The following STK3 variants were observed in gnomAD, a reference collection of about 807,000 sequenced individuals.
STK3 encodes the protein serine/threonine kinase 3.
In STK3, 41 loss-of-function variants were observed where a neutral mutation model predicts 58.0. The ratio of observed to expected loss-of-function variants is 0.71; its 90% CI spans 0.55 to 0.92. The LOEUF (loss-of-function observed/expected upper bound fraction) is 0.92. Among genes scored for constraint, STK3 ranks in the 40% least tolerant of loss-of-function variants. The pLI is 0.00. For missense variants in STK3, 479 were observed against 602.7 expected, an observed-to-expected ratio of 0.79 and a Z score of 2.15; for synonymous variants, 170 against 191.0, an observed-to-expected ratio of 0.89 and a Z score of 0.91.
At chr8:98,713,719 T>A (rs766714591) in intron 4 of STK3, among the ~76,000 whole-genome samples, 2 of 152,138 alleles carry the variant, frequency 1.3e-5, no homozygotes, top group Non-Finnish European at 2.9e-5. Flanking sequence ...CTGGTATCAT[T>A]CCTTCTGAAA....
chr8:98,897,771 C>G (rs1235306477), intron 1 of STK3, among the ~76,000 whole-genome samples: 3 of 151,982 alleles, frequency 2.0e-5, no homozygotes, highest in Non-Finnish European at 2.9e-5. Context: ...CTCTTCTTTC[C>G]CCTGGATTTT....
intron 6 of STK3, among the ~76,000 whole-genome samples, chr8:98,603,049 G>A (rs1816486715): frequency 4.6e-5 from 7 of 152,030 alleles, no homozygotes; most frequent in Admixed American, 4.6e-4. Context: ...GTCAAAATAG[G>A]AAAATCACAA....
At chr8:98,497,200 A>G (rs73275819) in intron 10 of STK3, among the ~76,000 whole-genome samples, 2,700 of 152,256 alleles carry the variant, frequency 0.018, 81 homozygotes, top group African/African-American at 0.062. Context: ...TCAATGAGGG[A>G]AAGAATAATC....
upstream of STK3, among the ~76,000 whole-genome samples, chr8:98,391,924 T>C (rs774403332): frequency 5.9e-5 from 9 of 152,212 alleles, no homozygotes; most frequent in Non-Finnish European, 1.3e-4. Flanking sequence ...TTTATGAAAC[T>C]GATAGTTCCC....
intron 3 of STK3, among the ~76,000 whole-genome samples, chr8:98,856,287 A>G (rs537769343): frequency 6.6e-6 from 1 of 150,844 alleles, no homozygotes; most frequent in African/African-American, 2.4e-5. Flanking sequence ...ATTGCACTCC[A>G]GCCTGGGTGA....
intron 3 of STK3, among the ~76,000 whole-genome samples, chr8:98,412,621 C>A (rs1274403388): frequency 6.6e-6 from 1 of 152,214 alleles, no homozygotes; most frequent in Non-Finnish European, 1.5e-5. Flanking sequence ...TCATTCCTTG[C>A]ACAAAGCTCC....
At chr8:98,690,390 G>A (rs1403595985) in intron 6 of STK3, among the ~76,000 whole-genome samples, 1 of 148,478 alleles carries the variant, frequency 6.7e-6, no homozygotes, top group Non-Finnish European at 1.5e-5. Flanking sequence ...ACTTCTATAC[G>A]CTAATAATGT....
chr8:98,864,455 G>C (rs1299409437), intron 3 of STK3, among the ~76,000 whole-genome samples: 2 of 152,074 alleles, frequency 1.3e-5, no homozygotes, highest in Non-Finnish European at 2.9e-5. Flanking sequence ...CTTTCATTTG[G>C]TGAGAGAAAA....
chr8:98,408,289 A>C (rs1818019875), intron 3 of STK3, among the ~76,000 whole-genome samples: 1 of 152,232 alleles, frequency 6.6e-6, no homozygotes, highest in African/African-American at 2.4e-5. Flanking sequence ...AAAATTATGA[A>C]GTGCCATGAC....
intron 1 of STK3, among the ~76,000 whole-genome samples, chr8:98,924,856 T>C (rs1839721785): frequency 6.6e-6 from 1 of 152,206 alleles, no homozygotes; most frequent in Non-Finnish European, 1.5e-5. Flanking sequence ...TCTCTTTCTC[T>C]TCCCATAGGA....
chr8:98,409,464 G>A (rs1170172987), intron 3 of STK3, among the ~76,000 whole-genome samples: 1 of 152,160 alleles, frequency 6.6e-6, no homozygotes, highest in East Asian at 1.9e-4. Context: ...AGGCAACTCT[G>A]CCATCGACAT....
chr8:98,752,034 A>T (rs1159809574), intron 3 of STK3, among the ~76,000 whole-genome samples: 1 of 152,166 alleles, frequency 6.6e-6, no homozygotes, highest in Non-Finnish European at 1.5e-5. Context: ...AGTAATTTAT[A>T]GATTCAATGC....
intron 1 of STK3, among the ~76,000 whole-genome samples, chr8:98,915,872 C>G (rs1314865599): frequency 6.6e-6 from 1 of 152,060 alleles, no homozygotes; most frequent in Non-Finnish European, 1.5e-5. Flanking sequence ...TTACTAGTGA[C>G]CAATATCATT....
intron 1 of STK3, among the ~76,000 whole-genome samples, chr8:98,930,986 C>G (rs886499308): frequency 6.6e-6 from 1 of 152,196 alleles, no homozygotes; most frequent in South Asian, 2.1e-4. Context: ...CTTCATTTCT[C>G]AACACTCAGA....
At chr8:98,622,283 T>G (rs1021270450) in intron 6 of STK3, among the ~76,000 whole-genome samples, 2 of 150,954 alleles carry the variant, frequency 1.3e-5, no homozygotes, top group African/African-American at 4.9e-5. Context: ...AAAAAAAAAA[T>G]TGGATTTTTT....
At chr8:98,862,367 T>C (rs1455968201) in intron 3 of STK3, among the ~76,000 whole-genome samples, 2 of 152,112 alleles carry the variant, frequency 1.3e-5, no homozygotes, top group African/African-American at 4.8e-5. Context: ...AATCCAAACA[T>C]AAGAACTAGC....
intron 2 of STK3, among the ~76,000 whole-genome samples, chr8:98,377,538 T>A (rs1244636690): frequency 6.6e-6 from 1 of 151,794 alleles, no homozygotes; most frequent in South Asian, 2.1e-4. Flanking sequence ...ATATTATAAA[T>A]TTTCATAATA....
At chr8:98,653,137 A>G (rs1165028376) in intron 6 of STK3, among the ~76,000 whole-genome samples, 6 of 152,256 alleles carry the variant, frequency 3.9e-5, no homozygotes, top group Non-Finnish European at 8.8e-5. Flanking sequence ...ACTGTCTCTC[A>G]GACCACAGTG....
At chr8:98,527,897 T>A (rs1030573955) in intron 9 of STK3, among the ~76,000 whole-genome samples, 5 of 152,158 alleles carry the variant, frequency 3.3e-5, no homozygotes, top group African/African-American at 9.7e-5. Flanking sequence ...TTACCAGTTC[T>A]AAAACTAAAT....
Sources: allele counts gnomAD v4.1 joint callset (sites outside exome capture counted in the v4.1 genomes callset), GRCh38; gene constraint gnomAD v4.1.1; transcripts MANE v1.5; gene names NCBI Gene and HGNC (gene_info 2026-07-23, HGNC 2026-07-21).